SLC35F4: variants seen among roughly 807,000 people sequenced by gnomAD.
The protein encoded by SLC35F4 is chromosome 14 open reading frame 36.
SLC35F4 carries 24 observed loss-of-function variants against 44.2 expected under a neutral mutation model. The observed-to-expected ratio is 0.54, with a 90% CI of 0.39 to 0.76. The LOEUF is 0.76. Ranked by LOEUF, SLC35F4 falls within the 30% of genes least tolerant of loss-of-function variation. The pLI is 0.00. For synonymous variants in SLC35F4, 238 were observed against 223.6 expected (o/e 1.06, Z -0.57); for missense variants, 562 against 586.1 (o/e 0.96, Z 0.42).
intron 1 of SLC35F4, among the ~76,000 whole-genome samples, chr14:57,684,009 G>T (rs73305976): frequency 0.025 from 3,767 of 152,238 alleles, 150 homozygotes; most frequent in African/African-American, 0.084. Flanking sequence ...CTTTCTTGGT[G>T]TGGGGTTCAT....
chr14:57,863,694 C>G (rs753725470), intron 1 of SLC35F4, among the ~76,000 whole-genome samples: 5 of 152,184 alleles, frequency 3.3e-5, no homozygotes, highest in Admixed American at 6.5e-5. Context: ...CCCTGGCCCT[C>G]CTCCAGCTTT....
At chr14:57,933,524 T>C (rs1594634940) in intron 1 of SLC35F4, among the ~76,000 whole-genome samples, 4 of 152,250 alleles carry the variant, frequency 2.6e-5, no homozygotes, top group Admixed American at 2.6e-4. Context: ...TCTTCTCTTA[T>C]TGAAAATAAG....
chr14:57,864,218 C>A (rs1209894247), intron 1 of SLC35F4, among the ~76,000 whole-genome samples: 10 of 152,134 alleles, frequency 6.6e-5, no homozygotes, highest in Non-Finnish European at 1.5e-4. Context: ...GTAATTTCCA[C>A]AAGATATATT....
chr14:57,917,689 T>C (rs1380173485), intron 1 of SLC35F4, among the ~76,000 whole-genome samples: 1 of 152,184 alleles, frequency 6.6e-6, no homozygotes, highest in Non-Finnish European at 1.5e-5. Flanking sequence ...TTTTCATTTT[T>C]ACTTCAATTT....
At chr14:57,703,574 A>C (rs751818424) in intron 1 of SLC35F4, among the ~76,000 whole-genome samples, 21 of 152,196 alleles carry the variant, frequency 1.4e-4, no homozygotes, top group Non-Finnish European at 2.8e-4. Flanking sequence ...CTAAGCCAAT[A>C]CCAGATTATT....
intron 1 of SLC35F4, among the ~76,000 whole-genome samples, chr14:57,959,678 C>A (rs1350105137): frequency 6.6e-6 from 1 of 152,128 alleles, no homozygotes; most frequent in African/African-American, 2.4e-5. Context: ...TGACCTTAGA[C>A]AAGTGATTTA....
chr14:57,595,421 T>C (rs912974667), intron 1 of SLC35F4, among the ~76,000 whole-genome samples: 1 of 152,166 alleles, frequency 6.6e-6, no homozygotes, highest in African/African-American at 2.4e-5. Context: ...TTCTCCACTG[T>C]CTTTTTTTTC....
chr14:57,798,062 G>C (rs1470504158), intron 1 of SLC35F4, among the ~76,000 whole-genome samples: 1 of 134,188 alleles, frequency 7.5e-6, no homozygotes, highest in African/African-American at 2.9e-5. Flanking sequence ...CAAGCCTGCA[G>C]CCTAGAGCCA....
intron 1 of SLC35F4, among the ~76,000 whole-genome samples, chr14:57,977,808 C>T (rs1881262147): frequency 6.6e-6 from 1 of 152,172 alleles, no homozygotes; most frequent in African/African-American, 2.4e-5. Context: ...TCTAAACCCC[C>T]AGGCAGGAGT....
chr14:57,981,485 G>A (rs946264623), intron 1 of SLC35F4, among the ~76,000 whole-genome samples: 1 of 152,078 alleles, frequency 6.6e-6, no homozygotes, highest in Non-Finnish European at 1.5e-5. Context: ...TAATGGATGG[G>A]ATTTCGTAGC....
At chr14:57,976,696 G>A (rs1310444718), downstream of SLC35F4, 3 of 152,192 alleles carry the variant, frequency 2.0e-5, no homozygotes, top group Non-Finnish European at 4.4e-5. Flanking sequence ...GACAGACATA[G>A]TGCCTTCACT....
chr14:57,937,427 G>A (rs182574815), intron 1 of SLC35F4, among the ~76,000 whole-genome samples: 1 of 151,982 alleles, frequency 6.6e-6, no homozygotes, highest in Admixed American at 6.6e-5. Flanking sequence ...ATTGTATATA[G>A]ATTACTATAG....
intron 1 of SLC35F4, among the ~76,000 whole-genome samples, chr14:57,749,396 G>A (rs977422080): frequency 3.3e-5 from 5 of 152,080 alleles, no homozygotes; most frequent in East Asian, 3.9e-4. Flanking sequence ...AATGATCAGC[G>A]GATTTGTCTC....
intron 1 of SLC35F4, among the ~76,000 whole-genome samples, chr14:57,908,600 T>A (rs889737640): frequency 3.3e-5 from 5 of 152,254 alleles, no homozygotes; most frequent in African/African-American, 1.2e-4. Flanking sequence ...GGTAAGTGCC[T>A]GTTCATATCC....
chr14:57,723,048 T>G (rs756436564), intron 1 of SLC35F4, among the ~76,000 whole-genome samples: 8 of 152,130 alleles, frequency 5.3e-5, no homozygotes, highest in African/African-American at 1.9e-4. Context: ...ATGCAGATAT[T>G]TGGGGGACTA....
intron 1 of SLC35F4, among the ~76,000 whole-genome samples, chr14:57,707,144 G>C (rs1057074902): frequency 6.6e-6 from 1 of 152,192 alleles, no homozygotes; most frequent in African/African-American, 2.4e-5. Flanking sequence ...AGAAGGTGTA[G>C]TTTTGATAAC....
intron 1 of SLC35F4, among the ~76,000 whole-genome samples, chr14:57,628,821 TTC>T (rs1285991582): frequency 1.3e-5 from 2 of 152,188 alleles, no homozygotes; most frequent in Admixed American, 6.6e-5. Flanking sequence ...AAAAAAAATT[TTC>T]TCTTTTAGGG....
At chr14:57,567,632 TG>T (rs771024464) in intron 6 of SLC35F4, among the ~76,000 whole-genome samples, 1 of 152,220 alleles carries the variant, frequency 6.6e-6, no homozygotes, top group Non-Finnish European at 1.5e-5. Context: ...AACTAATAAC[TG>T]CTCCTCATTC....
chr14:57,781,118 G>A (rs982534645), intron 1 of SLC35F4, among the ~76,000 whole-genome samples: 12 of 152,080 alleles, frequency 7.9e-5, no homozygotes, highest in Non-Finnish European at 1.8e-4. Flanking sequence ...ACTATCAACA[G>A]AGTAAACAGA....
Sources: allele counts gnomAD v4.1 joint callset (sites outside exome capture counted in the v4.1 genomes callset), GRCh38; gene constraint gnomAD v4.1.1; transcripts MANE v1.5; gene names NCBI Gene and HGNC (gene_info 2026-07-23, HGNC 2026-07-21).